Variants in ATXN1 observed in about 807,000 individuals in gnomAD.
The protein encoded by ATXN1 is ataxin-1.
In ATXN1, 8 loss-of-function variants were observed where a neutral mutation model predicts 56.4. The ratio of observed to expected loss-of-function variants is 0.14; its 90% confidence interval spans 0.08 to 0.26. The LOEUF (loss-of-function observed/expected upper bound fraction) is 0.26. Among genes scored for constraint, ATXN1 ranks in the 10% least tolerant of loss-of-function variants. The pLI, the probability that ATXN1 is intolerant of heterozygous loss-of-function variation, is 1.00. For synonymous variants in ATXN1, 514 were observed against 494.6 expected (o/e 1.04, Z -0.52); for missense variants, 987 against 1,106.5 (o/e 0.89, Z 1.53).
chr6:16,349,947 C>G (rs1761532813), intron 6 of ATXN1, among the ~76,000 whole-genome samples: 1 of 152,180 alleles, frequency 6.6e-6, no homozygotes, highest in Non-Finnish European at 1.5e-5. Context: ...TACAATTATT[C>G]ATTATAAATT....
At chr6:16,325,701 C>A (rs1015619212) in intron 7 of ATXN1, among the ~76,000 whole-genome samples, 1 of 151,862 alleles carries the variant, frequency 6.6e-6, no homozygotes, top group Admixed American at 6.6e-5. Context: ...AAAATTATCT[C>A]GTCAAAGAGA....
intron 4 of ATXN1, among the ~76,000 whole-genome samples, chr6:16,573,004 G>A (rs1380656096): frequency 1.3e-5 from 2 of 152,150 alleles, no homozygotes; most frequent in Non-Finnish European, 2.9e-5. Context: ...GGACAGAAGT[G>A]TCAGTTTGAA....
At chr6:16,540,562 C>T (rs1362439091) in intron 4 of ATXN1, among the ~76,000 whole-genome samples, 2 of 152,062 alleles carry the variant, frequency 1.3e-5, no homozygotes, top group Non-Finnish European at 2.9e-5. Flanking sequence ...TTATTATTCC[C>T]ATTGTACAGA....
At chr6:16,461,148 C>T (rs562663555) in intron 6 of ATXN1, among the ~76,000 whole-genome samples, 1 of 152,304 alleles carries the variant, frequency 6.6e-6, no homozygotes, top group African/African-American at 2.4e-5. Flanking sequence ...CAGGCAGAAC[C>T]TCCCATTAGA....
intron 6 of ATXN1, among the ~76,000 whole-genome samples, chr6:16,346,893 G>GGAACCCGGGCTGCGCGC (rs1761410080): frequency 6.6e-6 from 1 of 152,248 alleles, no homozygotes; most frequent in Admixed American, 6.5e-5. Context: ...GAGAGGCGTG[G>GGAACCCGGGCTGCGCGC]GTGGGAACCC....
intron 6 of ATXN1, among the ~76,000 whole-genome samples, chr6:16,359,234 A>AG (rs1761756912): frequency 6.6e-6 from 1 of 152,158 alleles, no homozygotes; most frequent in South Asian, 2.1e-4. Context: ...CAGGCGAGGG[A>AG]GGGCCTGAAG....
chr6:16,446,716 G>A (rs1051350098), intron 6 of ATXN1, among the ~76,000 whole-genome samples: 11 of 152,020 alleles, frequency 7.2e-5, no homozygotes, highest in African/African-American at 2.7e-4. Context: ...TTCACATGTT[G>A]TTGTTTCATT....
chr6:16,344,023 G>A (rs561320700), intron 6 of ATXN1, among the ~76,000 whole-genome samples: 29 of 152,236 alleles, frequency 1.9e-4, no homozygotes, highest in South Asian at 4.2e-4. Flanking sequence ...ACATTCACCC[G>A]GAGTTCCCAG....
intron 5 of ATXN1, among the ~76,000 whole-genome samples, chr6:16,512,958 A>G (rs1408197582): frequency 6.6e-6 from 1 of 152,214 alleles, no homozygotes; most frequent in Non-Finnish European, 1.5e-5. Context: ...ATTTAGTAAG[A>G]TGTGGTTGAG....
intron 2 of ATXN1, among the ~76,000 whole-genome samples, chr6:16,698,017 T>A (rs1486846252): frequency 6.6e-6 from 1 of 152,206 alleles, no homozygotes; most frequent in Non-Finnish European, 1.5e-5. Flanking sequence ...CCCACAGTGC[T>A]TTCCTATTGC....
At chr6:16,384,304 T>C (rs1425566127) in intron 6 of ATXN1, among the ~76,000 whole-genome samples, 1 of 152,198 alleles carries the variant, frequency 6.6e-6, no homozygotes, top group Admixed American at 6.5e-5. Context: ...GAAGGTTCTC[T>C]AAAAAGAGTA....
At chr6:16,511,918 G>A (rs1407694280) in intron 5 of ATXN1, among the ~76,000 whole-genome samples, 1 of 152,178 alleles carries the variant, frequency 6.6e-6, no homozygotes, top group Non-Finnish European at 1.5e-5. Flanking sequence ...GCCACGAGGT[G>A]GCCTTCCAGG....
chr6:16,570,900 A>C lies in ATXN1; in HGVS notation c.-361+14880T>G, dbSNP rs1181600619. Reference sequence around the variant, plus strand: ...CTGTCCACCCTCATCACTTTGTTGCATCTCTAGAAAGATCCAGGGATTAAA... The same window carrying C: ...CTGTCCACCCTCATCACTTTGTTGCCTCTCTAGAAAGATCCAGGGATTAAA... On this transcript the variant is annotated intron_variant, in intron 4 of 7. Transcript: ENST00000436367. Among the ~76,000 whole-genome samples the C allele has an allele frequency of 2.6e-5, 4 of 152,178 alleles. No individual in the cohort carries two copies. In the East Asian group the frequency reaches 7.7e-4, roughly 29 times the overall value.
At chr6:16,504,505 A>T (rs1200790421) in intron 5 of ATXN1, among the ~76,000 whole-genome samples, 1 of 152,214 alleles carries the variant, frequency 6.6e-6, no homozygotes. Context: ...ATCATCAGTG[A>T]CACTACAGAA....
At chr6:16,525,787 C>T (rs924606521) in intron 4 of ATXN1, among the ~76,000 whole-genome samples, 1 of 150,822 alleles carries the variant, frequency 6.6e-6, no homozygotes, top group African/African-American at 2.4e-5. Context: ...ATATACACAC[C>T]TATGTACCCA....
intron 6 of ATXN1, among the ~76,000 whole-genome samples, chr6:16,368,354 T>C (rs1297837795): frequency 8.0e-6 from 1 of 124,386 alleles, no homozygotes. Context: ...TTTTTTTTTT[T>C]TTTTTTTTTT....
intron 6 of ATXN1, among the ~76,000 whole-genome samples, chr6:16,391,217 T>G (rs915465082): frequency 6.8e-6 from 1 of 146,696 alleles, no homozygotes; most frequent in African/African-American, 2.5e-5. Flanking sequence ...AAGAAAACAC[T>G]ATTCAGATGA....
At chr6:16,331,489 A>C (rs1055037964) in intron 6 of ATXN1, among the ~76,000 whole-genome samples, 19 of 152,222 alleles carry the variant, frequency 1.2e-4, no homozygotes, top group African/African-American at 4.6e-4. Context: ...CTCAGAGAGA[A>C]CCAGTCCATG....
chr6:16,385,047 G>C (rs1758210231), intron 6 of ATXN1, among the ~76,000 whole-genome samples: 1 of 152,190 alleles, frequency 6.6e-6, no homozygotes, highest in Admixed American at 6.5e-5. Flanking sequence ...GGAGCTGATG[G>C]CAGGGTTGAG....
Sources: allele counts gnomAD v4.1 joint callset (sites outside exome capture counted in the v4.1 genomes callset), GRCh38; gene constraint gnomAD v4.1.1; transcripts MANE v1.5; gene names NCBI Gene and HGNC (gene_info 2026-07-23, HGNC 2026-07-21).